The following ANK1 variants were observed in gnomAD, a reference collection of about 807,000 sequenced individuals.
The protein encoded by ANK1 is ankyrin 1.
A neutral mutation model predicts 210.4 loss-of-function variants in ANK1; 51 were observed. That is an observed-to-expected ratio of 0.24 (90% confidence interval 0.19 to 0.31). The LOEUF (loss-of-function observed/expected upper bound fraction) is 0.31. ANK1 is among the 10% of genes least tolerant of loss of function. The pLI is 1.00. For synonymous variants in ANK1, 967 were observed against 1,025.9 expected (o/e 0.94, Z 1.10); for missense variants, 2,051 against 2,504.4 (o/e 0.82, Z 3.86).
intron 1 of ANK1, among the ~76,000 whole-genome samples, chr8:41,759,506 A>AAAACAAACAAACAAAC (rs10530329): frequency 1.4e-4 from 22 of 151,822 alleles, no homozygotes; most frequent in South Asian, 4.2e-4. Flanking sequence ...CTCCGTCTCA[A>AAAACAAACAAACAAAC]AAACAAACAA....
intron 1 of ANK1, among the ~76,000 whole-genome samples, chr8:41,875,088 G>T (rs1222703721): frequency 2.0e-5 from 3 of 152,186 alleles, no homozygotes; most frequent in Admixed American, 6.5e-5. Flanking sequence ...AGGGAGCAGA[G>T]CTGAGCTGGA....
intron 1 of ANK1, among the ~76,000 whole-genome samples, chr8:41,804,445 G>C (rs545509012): frequency 6.6e-6 from 1 of 152,306 alleles, no homozygotes; most frequent in South Asian, 2.1e-4. Context: ...GTATATCGAA[G>C]AATGTGTACA....
chr8:41,821,965 G>T (rs942515742), intron 1 of ANK1, among the ~76,000 whole-genome samples: 1 of 151,750 alleles, frequency 6.6e-6, no homozygotes, highest in Non-Finnish European at 1.5e-5. Context: ...CAAGAGAATC[G>T]CTTGAACCCA....
At chr8:41,871,354 C>T (rs1815452533) in intron 1 of ANK1, among the ~76,000 whole-genome samples, 1 of 152,186 alleles carries the variant, frequency 6.6e-6, no homozygotes, top group Non-Finnish European at 1.5e-5. Context: ...GTCACCCAGG[C>T]TGGAGGGCAG....
intron 18 of ANK1, among the ~76,000 whole-genome samples, chr8:41,705,032 T>C (rs113847754): frequency 3.9e-5 from 6 of 152,188 alleles, no homozygotes; most frequent in African/African-American, 1.2e-4. Flanking sequence ...CAAGTGACTG[T>C]GGTGTAATGG....
In ANK1 at chr8:41,653,426, C is replaced by T. The variant is rs755232506; in HGVS notation, c.*2364G>A. 13 of 152,702 alleles carry T rather than the reference C, an allele frequency of 8.5e-5. No homozygotes were observed. Among genetic ancestry groups the T allele is most frequent in the Non-Finnish European group, 1.5e-4 (10 of 68,060 alleles). 9.5% of individuals were successfully genotyped at this position (152,702 alleles called of 1,614,324 possible). A position where few individuals can be genotyped will look rare whatever the true frequency, so the allele number is the denominator to read the frequency against. On this transcript the variant is annotated 3_prime_UTR_variant, in exon 43 of 43. Coordinates refer to ENST00000289734, the MANE Select transcript of ANK1 (RefSeq NM_000037.4). ...AAAGCGTCTAATGTGCAGACTGCAGCATTCTCTAGGCATCGTGTGGAGACC... is the reference window on the plus strand; with the variant it reads ...AAAGCGTCTAATGTGCAGACTGCAGTATTCTCTAGGCATCGTGTGGAGACC...
chr8:41,744,801 C>G (rs1835679981), intron 2 of ANK1, among the ~76,000 whole-genome samples: 1 of 152,156 alleles, frequency 6.6e-6, no homozygotes, highest in Non-Finnish European at 1.5e-5. Flanking sequence ...TCCCAAAGTG[C>G]TGGGATTACA....
chr8:41,659,577 G>A (rs534528972), intron 42 of ANK1, among the ~76,000 whole-genome samples: 13 of 152,308 alleles, frequency 8.5e-5, no homozygotes, highest in Admixed American at 7.2e-4. Context: ...GCCCTCAACC[G>A]TCTTCTCTGT....
At chr8:41,662,474 T>C (rs1808741922) in intron 40 of ANK1, among the ~76,000 whole-genome samples, 1 of 152,226 alleles carries the variant, frequency 6.6e-6, no homozygotes, top group African/African-American at 2.4e-5. Flanking sequence ...GACCAAGGTG[T>C]GACTGGGTGT....
At chr8:41,835,906 AT>A (rs1430744058) in intron 1 of ANK1, among the ~76,000 whole-genome samples, 1 of 152,226 alleles carries the variant, frequency 6.6e-6, no homozygotes, top group African/African-American at 2.4e-5. Flanking sequence ...GAGGACCCTC[AT>A]GCCCAGCACA....
intron 2 of ANK1, among the ~76,000 whole-genome samples, chr8:41,745,840 G>C (rs1401994345): frequency 6.6e-6 from 1 of 152,176 alleles, no homozygotes; most frequent in African/African-American, 2.4e-5. Flanking sequence ...TGGGACTACA[G>C]GTGCAGGGCC....
chr8:41,798,419 G>A (rs1849235108), upstream of ANK1, among the ~76,000 whole-genome samples: 1 of 152,082 alleles, frequency 6.6e-6, no homozygotes, highest in African/African-American at 2.4e-5. Context: ...GCGTGGGATG[G>A]CGCGGGCAGG....
chr8:41,783,472 T>C (rs1312167979), intron 1 of ANK1, among the ~76,000 whole-genome samples: 2 of 152,140 alleles, frequency 1.3e-5, no homozygotes, highest in Non-Finnish European at 2.9e-5. Flanking sequence ...TTTTTCAGCC[T>C]TTTCAGTATT....
At chr8:41,805,058 TTC>T (rs200133092) in intron 1 of ANK1, among the ~76,000 whole-genome samples, 2,856 of 129,176 alleles carry the variant, frequency 0.022, 32 homozygotes, top group African/African-American at 0.035. Flanking sequence ...GTTTCTTTCT[TTC>T]TCTCTGTGTG....
intron 9 of ANK1, among the ~76,000 whole-genome samples, chr8:41,721,407 C>T (rs80078338): frequency 1.6e-4 from 25 of 152,018 alleles, no homozygotes; most frequent in African/African-American, 6.0e-4. Flanking sequence ...CTGTAATTCC[C>T]GCACTTTGGG....
intron 37 of ANK1, among the ~76,000 whole-genome samples, chr8:41,684,158 A>G (rs973585882): frequency 6.6e-6 from 1 of 152,194 alleles, no homozygotes; most frequent in African/African-American, 2.4e-5. Context: ...GACACCCCAA[A>G]GAGGGCCCAC....
In ANK1 at chr8:41,873,349, C is replaced by A. The variant is rs1815925007; in HGVS notation, c.126+23006G>T. Among the ~76,000 whole-genome samples the A allele has an allele frequency of 3.9e-5, 6 of 152,242 alleles. No homozygotes were observed. In the South Asian group the frequency reaches 1.0e-3, roughly 26 times the overall value. ...TTAGGGATGTCTCCTTCCCAGGCCT[C>A]ACTTTCCTCACTTGCACACTGAAGA... On this transcript the variant is annotated intron_variant, in intron 1 of 42. Coordinates refer to the ANK1 transcript ENST00000265709.
At chr8:41,703,448 A>ATTTT (rs1198353842) in intron 20 of ANK1, among the ~76,000 whole-genome samples, 15 of 60,198 alleles carry the variant, frequency 2.5e-4, no homozygotes, top group African/African-American at 6.9e-4. Flanking sequence ...ATATATATAT[A>ATTTT]TATTTTTTTT....
intron 2 of ANK1, among the ~76,000 whole-genome samples, chr8:41,754,491 G>A (rs773127847): frequency 6.6e-6 from 1 of 152,154 alleles, no homozygotes; most frequent in Non-Finnish European, 1.5e-5. Context: ...CAAACAGTAC[G>A]CATTCTTTCC....
Sources: gnomAD v4.1 joint callset for allele counts (sites outside exome capture counted in the v4.1 genomes callset) on GRCh38, gnomAD v4.1.1 for gene constraint, MANE v1.5 for transcripts, NCBI Gene and HGNC (gene_info 2026-07-23, HGNC 2026-07-21) for gene names.